The following DPF3 variants were observed in gnomAD, a reference collection of about 807,000 sequenced individuals.
DPF3 encodes zinc finger protein DPF3.
In DPF3, 18 loss-of-function variants were observed where a neutral mutation model predicts 56.8. That is an observed-to-expected ratio of 0.32 (90% CI 0.22 to 0.47). The LOEUF is 0.47. Ranked by LOEUF, DPF3 falls within the 20% of genes least tolerant of loss-of-function variation. The pLI is 1.00. For missense variants in DPF3, 403 were observed against 488.8 expected (o/e 0.82, Z 1.65); for synonymous variants, 188 against 180.2 (o/e 1.04, Z -0.35).
intron 1 of DPF3, among the ~76,000 whole-genome samples, chr14:72,814,014 C>G (rs1435976287): frequency 6.6e-6 from 1 of 152,200 alleles, no homozygotes; most frequent in Non-Finnish European, 1.5e-5. Flanking sequence ...CCCCACCCAC[C>G]TTTCCCCATC....
At chr14:72,642,102 C>T (rs1885580913) in intron 8 of DPF3, among the ~76,000 whole-genome samples, 2 of 152,214 alleles carry the variant, frequency 1.3e-5, no homozygotes, top group Non-Finnish European at 2.9e-5. Context: ...TTGGAAGTGA[C>T]TCCTTCAGCC....
rs1883577631 is a variant in DPF3 at position 72,609,124 on chromosome 14, A to G, written c.*10173T>C. ...GTAGTCAACATTGCTAACCAATCAC[A>G]GAACAAGATACTAACCACAGCAAGG... is the stretch of plus-strand genomic sequence containing the variant. On this transcript the variant is annotated 3_prime_UTR_variant, in exon 11 of 11. Transcript: ENST00000556509. Among the ~76,000 whole-genome samples the G allele has an allele frequency of 6.6e-6, 1 of 152,232 alleles. No homozygotes were observed. The highest frequency in any genetic ancestry group is 6.5e-5 in the Admixed American group (1 of 15,284).
intron 6 of DPF3, among the ~76,000 whole-genome samples, chr14:72,714,100 A>C (rs929607985): frequency 6.6e-6 from 1 of 152,214 alleles, no homozygotes; most frequent in Admixed American, 6.5e-5. Context: ...GAAATAGAGG[A>C]TGAATCTTAA....
intron 1 of DPF3, chr14:72,892,511 C>G: frequency 1.4e-6 from 2 of 1,401,666 alleles, no homozygotes; most frequent in Non-Finnish European, 1.8e-6. Flanking sequence ...TACCCCTTTC[C>G]CTATTTCTGA....
chr14:72,647,730 T>C (rs2803976), intron 8 of DPF3, among the ~76,000 whole-genome samples: 5,507 of 152,262 alleles, frequency 0.036, 236 homozygotes, highest in African/African-American at 0.094. Context: ...TCAACAGCCC[T>C]AGAACAAGCA....
rs59321921 is a variant in DPF3, at chr14:72,612,993, C to CGTGTGTGTGT, written c.*6294_*6303dup. On this transcript the variant is annotated 3_prime_UTR_variant, in exon 11 of 11. Coordinates refer to ENST00000556509, the MANE Select transcript of DPF3 (RefSeq NM_001280542.3). ...TTTCCCTTTGGTTCATTAAGTAGGG[C>CGTGTGTGTGT]GTGTGTGTGTGTGTGTGTGTGTGTG... Among the ~76,000 whole-genome samples the CGTGTGTGTGT allele has an allele frequency of 0.012, 1,752 of 148,926 alleles. 23 individuals carry two copies. The highest frequency in any genetic ancestry group is 0.028 in the East Asian group (138 of 4,938).
intron 7 of DPF3, among the ~76,000 whole-genome samples, chr14:72,674,575 T>C (rs1276532282): frequency 6.6e-6 from 1 of 152,222 alleles, no homozygotes; most frequent in Non-Finnish European, 1.5e-5. Context: ...AGAGTTTAAT[T>C]TTTAGAGTAT....
intron 7 of DPF3, among the ~76,000 whole-genome samples, chr14:72,680,067 C>T (rs1319642371): frequency 1.3e-5 from 2 of 152,176 alleles, no homozygotes; most frequent in Non-Finnish European, 2.9e-5. Context: ...CTGCGAGGAG[C>T]TCCGGCAGGC....
At chr14:72,796,713 A>G (rs975871114) in intron 1 of DPF3, among the ~76,000 whole-genome samples, 1 of 152,164 alleles carries the variant, frequency 6.6e-6, no homozygotes, top group African/African-American at 2.4e-5. Flanking sequence ...ATTTTCCTAG[A>G]AAGTAGACCT....
Position 72,684,504 on chromosome 14 carries a change from C to CT in DPF3, c.742+8571dup, listed in dbSNP as rs34288955. On this transcript the variant is annotated intron_variant, in intron 7 of 10. Transcript: ENST00000556509. ...CCTAATATTTCACTTCAGGCTCAAG[C>CT]TTTTTTTTTTAAAAGAGCAAGTTTA... is the stretch of plus-strand genomic sequence containing the variant. Among the ~76,000 whole-genome samples, 7 of 149,428 alleles carry CT rather than the reference C, an allele frequency of 4.7e-5. No homozygotes were observed. In the East Asian group the frequency reaches 1.2e-3, roughly 25 times the overall value.
At chr14:72,846,754 C>CTTAT in intron 1 of DPF3, among the ~76,000 whole-genome samples, 1 of 152,104 alleles carries the variant, frequency 6.6e-6, no homozygotes, top group Non-Finnish European at 1.5e-5. Context: ...TTCCAGAGCC[C>CTTAT]TTTACTGGAG....
intron 8 of DPF3, among the ~76,000 whole-genome samples, chr14:72,658,637 G>A (rs1381424132): frequency 6.6e-6 from 1 of 152,190 alleles, no homozygotes; most frequent in Non-Finnish European, 1.5e-5. Context: ...TTCTGGTGGA[G>A]CCATATCTTG....
Position 72,612,944 on chromosome 14 carries a change from T to G in DPF3, c.*6353A>C, listed in dbSNP as rs1883832368. Among the ~76,000 whole-genome samples, 2 of 152,018 alleles carry G rather than the reference T, an allele frequency of 1.3e-5. No individual in the cohort carries two copies. Among genetic ancestry groups the G allele is most frequent in the African/African-American group, 4.8e-5 (2 of 41,388 alleles). ...TTGCCTGGCAGCCCCTGGCTCTCCC[T>G]CTTGTCCTGGAGCAACATCAAAGTT... is the stretch of plus-strand genomic sequence containing the variant. On this transcript the variant is annotated 3_prime_UTR_variant, in exon 11 of 11. Coordinates refer to ENST00000556509, the MANE Select transcript of DPF3 (RefSeq NM_001280542.3).
chr14:72,765,041 AG>A, intron 2 of DPF3, among the ~76,000 whole-genome samples: 1 of 152,338 alleles, frequency 6.6e-6, no homozygotes, highest in Non-Finnish European at 1.5e-5. Context: ...TGCTTGGTGT[AG>A]GGGAAAAGAC....
intron 1 of DPF3, chr14:72,879,665 C>T: frequency 9.3e-7 from 1 of 1,079,606 alleles, no homozygotes; most frequent in Non-Finnish European, 1.3e-6. Context: ...CCAGAGGAAA[C>T]CGCCTGCCCA....
At chr14:72,797,093 C>G (rs1459784306) in intron 1 of DPF3, among the ~76,000 whole-genome samples, 1 of 152,208 alleles carries the variant, frequency 6.6e-6, no homozygotes, top group African/African-American at 2.4e-5. Context: ...TTAGATTACA[C>G]CAGTTCCAAG....
chr14:72,758,848 AAC>A (rs1236468732), intron 2 of DPF3, among the ~76,000 whole-genome samples: 2 of 152,230 alleles, frequency 1.3e-5, no homozygotes, highest in Admixed American at 1.3e-4. Context: ...TATGTCCCAA[AAC>A]AATGTTCAAG....
rs189288107 is a variant in DPF3, at chr14:72,708,337, C to T, written c.604+6086G>A. ...AACAGACCCAGCTTTGCTGGAACGG[C>T]GCACTCAGTCTCCAGGGATCAATCC... On this transcript the variant is annotated intron_variant, in intron 6 of 10. Transcript: ENST00000556509. 3.8e-3 allele frequency among the ~76,000 whole-genome samples: 583 copies of T among 152,284 alleles called. 5 individuals carry two copies. The highest frequency in any genetic ancestry group is 0.014 in the African/African-American group (562 of 41,566).
chr14:72,662,918 G>A, intron 8 of DPF3: 1 of 796,254 alleles, frequency 1.3e-6, no homozygotes, highest in Non-Finnish European at 1.5e-6. Context: ...AAATTAAGGG[G>A]TGACAGAAAT....
Sources: gnomAD v4.1 joint callset for allele counts (sites outside exome capture counted in the v4.1 genomes callset) on GRCh38, gnomAD v4.1.1 for gene constraint, MANE v1.5 for transcripts, NCBI Gene and HGNC (gene_info 2026-07-23, HGNC 2026-07-21) for gene names.